GALNT13: variants seen among roughly 807,000 people sequenced by gnomAD.
The protein encoded by GALNT13 is polypeptide N-acetylgalactosaminyltransferase 13, also known as UDP-GalNAc:polypeptide N-acetylgalactosaminyltransferase 13.
Under a neutral mutation model 64.2 loss-of-function variants are expected in GALNT13, and 28 were observed. The ratio of observed to expected loss-of-function variants is 0.44; its 90% CI spans 0.32 to 0.60. The LOEUF (loss-of-function observed/expected upper bound fraction) is 0.60, where lower values mean the gene tolerates loss of function less well. GALNT13 is among the 20% of genes least tolerant of loss of function. The pLI is 0.05. For missense variants in GALNT13, 577 were observed against 669.8 expected, an observed-to-expected ratio of 0.86 and a Z score of 1.53; for synonymous variants, 214 against 224.6, an observed-to-expected ratio of 0.95 and a Z score of 0.42.
intron 9 of GALNT13, among the ~76,000 whole-genome samples, chr2:154,314,477 G>C (rs1180116636): frequency 6.6e-6 from 1 of 152,126 alleles, no homozygotes; most frequent in Non-Finnish European, 1.5e-5. Flanking sequence ...AGGAATACCT[G>C]ATGATGAGTA....
the GALNT13 span, among the ~76,000 whole-genome samples, chr2:153,673,841 C>A: frequency 0.24 from 36,707 of 151,902 alleles, 5,095 homozygotes; most frequent in Admixed American, 0.36. Context: ...AGCTGATAAG[C>A]AACTTCAGCA....
At chr2:153,809,983 G>A in the GALNT13 span, among the ~76,000 whole-genome samples, 1 of 151,950 alleles carries the variant, frequency 6.6e-6, no homozygotes, top group East Asian at 1.9e-4. Flanking sequence ...TTTGTTTTGA[G>A]ACAGAGTTGC....
chr2:154,001,493 T>A (rs1175961537), intron 3 of GALNT13, among the ~76,000 whole-genome samples: 1 of 151,960 alleles, frequency 6.6e-6, no homozygotes, highest in Non-Finnish European at 1.5e-5. Flanking sequence ...TTATAACAGG[T>A]CATTTTAAGC....
chr2:154,258,924 A>G (rs144226345), intron 7 of GALNT13, 97 bp from the exon 8 acceptor site: 1 of 643,702 alleles, frequency 1.6e-6, no homozygotes. Flanking sequence ...GATTTTTTAA[A>G]TATTTAGAAT....
the GALNT13 span, among the ~76,000 whole-genome samples, chr2:153,787,599 T>C: frequency 1.3e-5 from 2 of 152,174 alleles, no homozygotes; most frequent in East Asian, 3.9e-4. Flanking sequence ...AGGGTGAGTT[T>C]GCTGAAAATA....
the GALNT13 span, among the ~76,000 whole-genome samples, chr2:153,672,131 TAGAC>T: frequency 1.3e-5 from 2 of 152,076 alleles, no homozygotes; most frequent in African/African-American, 4.8e-5. Flanking sequence ...CTGTCAATAT[TAGAC>T]AGATCAGAGA....
At chr2:153,370,396 A>G in the GALNT13 span, among the ~76,000 whole-genome samples, 2 of 152,120 alleles carry the variant, frequency 1.3e-5, no homozygotes, top group Non-Finnish European at 2.9e-5. Context: ...TCCCTCATGA[A>G]CCCAGATACA....
intron 4 of GALNT13, among the ~76,000 whole-genome samples, chr2:154,182,412 A>G (rs567221061): frequency 6.6e-6 from 1 of 152,206 alleles, no homozygotes; most frequent in African/African-American, 2.4e-5. Flanking sequence ...GATCAGATAT[A>G]TCTGAGCTTC....
At chr2:153,180,344 A>G in the GALNT13 span, among the ~76,000 whole-genome samples, 1 of 152,162 alleles carries the variant, frequency 6.6e-6, no homozygotes, top group African/African-American at 2.4e-5. Flanking sequence ...ATTTGCAAAT[A>G]TTGAATCATC....
At chr2:153,228,365 G>A in the GALNT13 span, among the ~76,000 whole-genome samples, 1 of 152,048 alleles carries the variant, frequency 6.6e-6, no homozygotes, top group African/African-American at 2.4e-5. Flanking sequence ...AAAAATACTC[G>A]AAATGCCTGC....
At chr2:153,525,022 G>A in the GALNT13 span, among the ~76,000 whole-genome samples, 1 of 152,108 alleles carries the variant, frequency 6.6e-6, no homozygotes, top group African/African-American at 2.4e-5. Context: ...GGGAAGAGTG[G>A]GGAGGACTTT....
At chr2:153,790,191 C>T in the GALNT13 span, among the ~76,000 whole-genome samples, 1 of 152,150 alleles carries the variant, frequency 6.6e-6, no homozygotes, top group African/African-American at 2.4e-5. Context: ...CAAGAAAATA[C>T]TTGCAAACTG....
chr2:153,997,972 C>G (rs970874259), intron 3 of GALNT13, among the ~76,000 whole-genome samples: 1 of 152,162 alleles, frequency 6.6e-6, no homozygotes, highest in Non-Finnish European at 1.5e-5. Context: ...AGGGCATGAA[C>G]TCATCCTTTT....
chr2:153,980,163 A>T (rs1400470441), intron 3 of GALNT13, among the ~76,000 whole-genome samples: 1 of 152,172 alleles, frequency 6.6e-6, no homozygotes, highest in East Asian at 1.9e-4. Context: ...ATACTGCTGG[A>T]GCATAGGTGG....
At chr2:153,972,420 C>G (rs1693800627) in intron 3 of GALNT13, among the ~76,000 whole-genome samples, 1 of 152,000 alleles carries the variant, frequency 6.6e-6, no homozygotes, top group South Asian at 2.1e-4. Flanking sequence ...ATCTTTTTAA[C>G]TTTAATATTA....
At chr2:153,336,593 A>G in the GALNT13 span, among the ~76,000 whole-genome samples, 27 of 152,274 alleles carry the variant, frequency 1.8e-4, no homozygotes, top group African/African-American at 6.3e-4. Flanking sequence ...CTCTTATTGT[A>G]TCTAGGAAGT....
chr2:154,065,409 G>A (rs747052967), intron 3 of GALNT13, among the ~76,000 whole-genome samples: 1 of 152,180 alleles, frequency 6.6e-6, no homozygotes, highest in Non-Finnish European at 1.5e-5. Flanking sequence ...AGTTGTTACA[G>A]TGGAGCTTGA....
the GALNT13 span, among the ~76,000 whole-genome samples, chr2:153,638,162 T>A: frequency 1.1e-4 from 17 of 151,974 alleles, no homozygotes; most frequent in Admixed American, 1.1e-3. Flanking sequence ...ATAGAGTGAG[T>A]TGGGATCAGA....
chr2:154,105,976 C>G (rs1275210954), intron 3 of GALNT13, among the ~76,000 whole-genome samples: 2 of 152,122 alleles, frequency 1.3e-5, no homozygotes, highest in Non-Finnish European at 2.9e-5. Context: ...AAAAAAATGA[C>G]AAACTAAGAG....
Sources: allele counts gnomAD v4.1 joint callset (sites outside exome capture counted in the v4.1 genomes callset), GRCh38; gene constraint gnomAD v4.1.1; transcripts MANE v1.5; gene names NCBI Gene and HGNC (gene_info 2026-07-23, HGNC 2026-07-21).